ACTR2: variants seen among roughly 807,000 people sequenced by gnomAD.
The protein encoded by ACTR2 is actin related protein 2.
Under a neutral mutation model 50.2 loss-of-function variants are expected in ACTR2, and 5 were observed. The ratio of observed to expected loss-of-function variants is 0.10; its 90% CI spans 0.05 to 0.21. The LOEUF (loss-of-function observed/expected upper bound fraction) is 0.21. Among genes scored for constraint, ACTR2 ranks in the 10% least tolerant of loss-of-function variants. The pLI is 1.00. For synonymous variants in ACTR2, 140 were observed against 162.9 expected, an observed-to-expected ratio of 0.86 and a Z score of 1.07; for missense variants, 180 against 480.6, an observed-to-expected ratio of 0.37 and a Z score of 5.85.
chr2:65,261,095 A>G (rs1672260532), intron 6 of ACTR2, 152 bp from the exon 7 acceptor site: 1 of 721,068 alleles, frequency 1.4e-6, no homozygotes, highest in Non-Finnish European at 2.2e-6. Context: ...TATTTAATTT[A>G]CCTTTTTTTC....
intron 1 of ACTR2, among the ~76,000 whole-genome samples, chr2:65,232,286 T>C (rs959130470): frequency 6.6e-6 from 1 of 152,248 alleles, no homozygotes; most frequent in African/African-American, 2.4e-5. Flanking sequence ...GTTTCTCCAG[T>C]GCGTGCTATG....
At chr2:65,253,578 A>G in intron 4 of ACTR2, 150 bp from the exon 5 acceptor site, 2 of 748,762 alleles carry the variant, frequency 2.7e-6, no homozygotes, top group South Asian at 3.5e-5. Context: ...ATACTTATGC[A>G]TTAGAAACAA....
intron 6 of ACTR2, among the ~76,000 whole-genome samples, chr2:65,260,643 C>T (rs1190757985): frequency 6.6e-6 from 1 of 151,890 alleles, no homozygotes; most frequent in Non-Finnish European, 1.5e-5. Context: ...GTCAGTGATG[C>T]TTGTTTCTGC....
At chr2:65,242,187 C>G in intron 2 of ACTR2, 1 of 703,354 alleles carries the variant, frequency 1.4e-6, no homozygotes. Flanking sequence ...ATTTTAAGTA[C>G]TTTGATTTTT....
chr2:65,242,593 T>G (rs1671859625), intron 2 of ACTR2: 1 of 483,164 alleles, frequency 2.1e-6, no homozygotes, highest in African/African-American at 2.0e-5. Flanking sequence ...TCTTTCCATA[T>G]CATCCTTACT....
intron 3 of ACTR2, among the ~76,000 whole-genome samples, chr2:65,248,909 A>T (rs1671991862): frequency 6.6e-6 from 1 of 152,180 alleles, no homozygotes; most frequent in African/African-American, 2.4e-5. Context: ...GCTACGCAGG[A>T]GGCTGAGGCA....
intron 7 of ACTR2, among the ~76,000 whole-genome samples, chr2:65,262,974 G>A (rs922386472): frequency 6.9e-6 from 1 of 144,284 alleles, no homozygotes; most frequent in African/African-American, 2.5e-5. Context: ...TCTCCCCACC[G>A]CCACAAAAGA....
At chr2:65,234,309 C>A (rs1671698232) in intron 1 of ACTR2, among the ~76,000 whole-genome samples, 1 of 152,122 alleles carries the variant, frequency 6.6e-6, no homozygotes, top group Admixed American at 6.6e-5. Flanking sequence ...TGAATATATA[C>A]CCTGTATGAA....
At chr2:65,230,885 G>T (rs1350153789) in intron 1 of ACTR2, among the ~76,000 whole-genome samples, 1 of 151,680 alleles carries the variant, frequency 6.6e-6, no homozygotes, top group Non-Finnish European at 1.5e-5. Flanking sequence ...GAAACCCCGT[G>T]TCTACTAAAA....
chr2:65,264,289 A>G (rs753497473), intron 7 of ACTR2, among the ~76,000 whole-genome samples: 2 of 152,202 alleles, frequency 1.3e-5, no homozygotes, highest in Non-Finnish European at 2.9e-5. Flanking sequence ...TGGGCTTGCT[A>G]TGGCAATTAA....
chr2:65,268,730 G>T lies in ACTR2; in HGVS notation c.1181G>T (p.Arg394Leu), dbSNP rs746974315. The change falls in exon 9 of 9, where the codon CGA becomes CTA. Residue 394 changes from arginine to leucine, a missense_variant. Arg to Leu is a moderately radical substitution (Grantham distance 102). Coordinates refer to ENST00000260641, the MANE Select transcript of ACTR2 (RefSeq NM_005722.4). Reference sequence around the variant, plus strand: ...CTAGAGAAACTTGGTGTGACTGTTCGATAAACTCCAAAGCTTGTTCCCGTC... The same window carrying T: ...CTAGAGAAACTTGGTGTGACTGTTCTATAAACTCCAAAGCTTGTTCCCGTC... ...RVLEKLGVTV[R>L] 1 of 1,612,948 alleles carries T rather than the reference G, an allele frequency of 6.2e-7. No individual in the cohort carries two copies. The highest frequency in any genetic ancestry group is 1.3e-5 in the African/African-American group (1 of 74,838).
At position 65,268,781 on chromosome 2, in the gene ACTR2, T is replaced by C. The variant is rs1672432516; in HGVS notation, c.*47T>C. 6.4e-7 allele frequency: 1 copy of C among 1,572,372 alleles called. No individual in the cohort carries two copies. Among genetic ancestry groups the C allele is most frequent in the African/African-American group, 1.4e-5 (1 of 73,352 alleles). ...ATACCCGTAATGCTTTCTTTTTTCC[T>C]TTATTGCCAATCTTTGAACTCATTC... On this transcript the variant is annotated 3_prime_UTR_variant, in exon 9 of 9. Coordinates refer to ENST00000260641, the MANE Select transcript of ACTR2 (RefSeq NM_005722.4).
chr2:65,252,275 G>C (rs1259995106), intron 4 of ACTR2, among the ~76,000 whole-genome samples: 1 of 151,602 alleles, frequency 6.6e-6, no homozygotes, highest in Non-Finnish European at 1.5e-5. Flanking sequence ...TTTTAAAAGA[G>C]TACAACATTC....
At chr2:65,257,964 A>G (rs1672183232) in intron 6 of ACTR2, among the ~76,000 whole-genome samples, 1 of 152,076 alleles carries the variant, frequency 6.6e-6, no homozygotes, top group East Asian at 1.9e-4. Flanking sequence ...CCCATTTGTC[A>G]ATTTTGGCTT....
chr2:65,266,437 G>T (rs973346052), intron 8 of ACTR2, among the ~76,000 whole-genome samples: 11 of 152,128 alleles, frequency 7.2e-5, no homozygotes, highest in Admixed American at 1.3e-4. Context: ...GGCTGGAGCA[G>T]AGTGAGCAAG....
chr2:65,237,199 T>A (rs1671754973), intron 1 of ACTR2, among the ~76,000 whole-genome samples: 1 of 152,158 alleles, frequency 6.6e-6, no homozygotes, highest in African/African-American at 2.4e-5. Context: ...TATAGCTTCC[T>A]CCTCCCACCC....
At chr2:65,262,323 G>A (rs1013246166) in intron 7 of ACTR2, among the ~76,000 whole-genome samples, 1 of 151,738 alleles carries the variant, frequency 6.6e-6, no homozygotes, top group Non-Finnish European at 1.5e-5. Flanking sequence ...TCTGCCTCCC[G>A]TTTTCAAGCG....
chr2:65,269,274 G>C lies in ACTR2; in HGVS notation c.*540G>C, dbSNP rs1182553482. The C allele has an allele frequency of 6.6e-6, 1 of 151,518 alleles. No individual in the cohort carries two copies. Among genetic ancestry groups the C allele is most frequent in the Non-Finnish European group, 1.5e-5 (1 of 67,976 alleles). The allele number at this position is 151,518 out of a possible 1,614,324, so 9.4% of individuals were successfully genotyped here. On this transcript the variant is annotated 3_prime_UTR_variant, in exon 9 of 9. Coordinates refer to ENST00000260641, the MANE Select transcript of ACTR2 (RefSeq NM_005722.4). ...TGTGAACTTCTTAGGGAAATGTTAG[G>C]TTCAGAACTAAAGTGTTTTGGGTGG...
intron 8 of ACTR2, among the ~76,000 whole-genome samples, 177 bp from the exon 9 acceptor site, chr2:65,268,387 A>G (rs1346514392): frequency 6.6e-6 from 1 of 151,820 alleles, no homozygotes; most frequent in Non-Finnish European, 1.5e-5. Flanking sequence ...TCTCCTAAAC[A>G]TGAGCTTTGG....
Sources: gnomAD v4.1 joint callset for allele counts (sites outside exome capture counted in the v4.1 genomes callset) on GRCh38, gnomAD v4.1.1 for gene constraint, MANE v1.5 for transcripts, NCBI Gene and HGNC (gene_info 2026-07-23, HGNC 2026-07-21) for gene names.